FAM13A: variants seen among roughly 807,000 people sequenced by gnomAD.
FAM13A encodes the protein family with sequence similarity 13 member A, also known as protein FAM13A.
FAM13A carries 76 observed loss-of-function variants against 129.6 expected under a neutral mutation model. The ratio of observed to expected loss-of-function variants is 0.59; its 90% CI spans 0.49 to 0.71. The LOEUF (loss-of-function observed/expected upper bound fraction) is 0.71. Among genes scored for constraint, FAM13A ranks in the 30% least tolerant of loss-of-function variants. The pLI, the probability that FAM13A is intolerant of heterozygous loss-of-function variation, is 0.00. For synonymous variants in FAM13A, 443 were observed against 449.9 expected (o/e 0.98, Z 0.20); for missense variants, 1,108 against 1,249.3 (o/e 0.89, Z 1.70).
In FAM13A at chr4:88,879,190, C is replaced by T. The variant is rs149326674; in HGVS notation, c.843+27189G>A. On this transcript the variant is annotated intron_variant, in intron 6 of 23. Transcript: ENST00000264344. ...ATATAGAGCTTTAGCACTTAAGAAA[C>T]GCTGTGAGACACAGGTTAAGAGGTA... Among the ~76,000 whole-genome samples, 384 of 152,244 alleles carry T rather than the reference C, an allele frequency of 2.5e-3. 2 individuals carry two copies. Among genetic ancestry groups the T allele is most frequent in the African/African-American group, 8.6e-3 (358 of 41,556 alleles).
chr4:88,982,750 T>C (rs565764166), intron 4 of FAM13A, among the ~76,000 whole-genome samples: 75 of 152,302 alleles, frequency 4.9e-4, no homozygotes, highest in African/African-American at 1.8e-3. Context: ...CTTAGAAAAA[T>C]CATATACAAC....
chr4:89,024,111 G>A (rs1198910747), intron 2 of FAM13A, among the ~76,000 whole-genome samples: 1 of 152,148 alleles, frequency 6.6e-6, no homozygotes, highest in Non-Finnish European at 1.5e-5. Context: ...ATACTTTTCT[G>A]TACAACTGAA....
chr4:88,963,776 T>C (rs553076114), intron 4 of FAM13A, among the ~76,000 whole-genome samples: 2 of 152,338 alleles, frequency 1.3e-5, no homozygotes, highest in East Asian at 3.9e-4. Context: ...CTAAAACTTA[T>C]AAATAATATG....
At chr4:88,884,038 G>C (rs1451505525) in intron 6 of FAM13A, among the ~76,000 whole-genome samples, 1 of 151,776 alleles carries the variant, frequency 6.6e-6, no homozygotes, top group Non-Finnish European at 1.5e-5. Context: ...CAAAAAAAAA[G>C]TCCAGGAAAA....
intron 6 of FAM13A, among the ~76,000 whole-genome samples, chr4:88,881,938 A>C (rs1362761647): frequency 2.6e-5 from 4 of 152,128 alleles, no homozygotes; most frequent in Non-Finnish European, 5.9e-5. Flanking sequence ...CAAAGAAAAA[A>C]GAATTTAAAA....
chr4:88,844,651 G>A (rs189996711), intron 7 of FAM13A, among the ~76,000 whole-genome samples: 9 of 152,294 alleles, frequency 5.9e-5, no homozygotes, highest in Middle Eastern at 3.4e-3. Flanking sequence ...CAAGCATAGA[G>A]TTGGGGGAAA....
intron 6 of FAM13A, among the ~76,000 whole-genome samples, chr4:88,870,552 T>C (rs1005481523): frequency 2.0e-5 from 3 of 152,176 alleles, no homozygotes; most frequent in African/African-American, 7.2e-5. Context: ...TGTCTGAGAT[T>C]GAACTGCAAG....
At chr4:88,807,938 T>C (rs1561048988) in intron 7 of FAM13A, among the ~76,000 whole-genome samples, 1 of 152,174 alleles carries the variant, frequency 6.6e-6, no homozygotes, top group African/African-American at 2.4e-5. Flanking sequence ...CCAGTTTTTG[T>C]TCTAAAAAAG....
intron 7 of FAM13A, among the ~76,000 whole-genome samples, chr4:88,838,643 C>T (rs1306445211): frequency 1.3e-5 from 2 of 151,774 alleles, no homozygotes; most frequent in Non-Finnish European, 2.9e-5. Flanking sequence ...AGGAGAATGG[C>T]GTGAACCCGG....
At chr4:88,891,328 T>A (rs978598412) in intron 6 of FAM13A, among the ~76,000 whole-genome samples, 2 of 152,012 alleles carry the variant, frequency 1.3e-5, no homozygotes, top group African/African-American at 4.8e-5. Context: ...GGAGGCTGAA[T>A]TGGGAGGCAC....
chr4:88,814,385 A>C (rs1403350142), intron 7 of FAM13A, among the ~76,000 whole-genome samples: 4 of 152,062 alleles, frequency 2.6e-5, no homozygotes, highest in Non-Finnish European at 5.9e-5. Flanking sequence ...GAGAACTATG[A>C]GAGAGACAGA....
intron 6 of FAM13A, among the ~76,000 whole-genome samples, chr4:88,868,742 T>C (rs1454857191): frequency 6.6e-6 from 1 of 152,148 alleles, no homozygotes; most frequent in Non-Finnish European, 1.5e-5. Context: ...TTGTACTCTT[T>C]TACAACACTT....
chr4:89,006,358 C>T (rs17014896), intron 3 of FAM13A, among the ~76,000 whole-genome samples: 2,389 of 152,260 alleles, frequency 0.016, 67 homozygotes, highest in African/African-American at 0.054. Context: ...GGCATTATTC[C>T]AAGTTCTTTA....
At position 88,802,699 on chromosome 4, in the gene FAM13A, C is replaced by T. The variant is rs1727730691; in HGVS notation, c.1049+2312G>A. Among the ~76,000 whole-genome samples the T allele has an allele frequency of 2.6e-5, 4 of 152,272 alleles. No individual in the cohort carries two copies. In the South Asian group the frequency reaches 8.3e-4, roughly 32 times the overall value. On this transcript the variant is annotated intron_variant, in intron 8 of 23. Transcript: ENST00000264344. ...CCCTGTTCCTGCATCCCTTTCTTCTCCCCTAGCCACAGCAAGGTCCTGGGA... is the reference window on the plus strand; with the variant it reads ...CCCTGTTCCTGCATCCCTTTCTTCTTCCCTAGCCACAGCAAGGTCCTGGGA...
chr4:89,034,342 A>G (rs1343685299), intron 1 of FAM13A, among the ~76,000 whole-genome samples: 2 of 152,196 alleles, frequency 1.3e-5, no homozygotes, highest in Admixed American at 6.5e-5. Context: ...ATCACTCACC[A>G]TTAGAGAAAC....
At chr4:89,033,382 A>C (rs963630664) in intron 1 of FAM13A, among the ~76,000 whole-genome samples, 87 of 152,316 alleles carry the variant, frequency 5.7e-4, no homozygotes, top group African/African-American at 2.0e-3. Flanking sequence ...CCCACTTCAC[A>C]AAAGGCACAG....
At chr4:88,747,117 A>C (rs1741511214) in intron 18 of FAM13A, 102 bp from the exon 19 acceptor site, 1 of 777,020 alleles carries the variant, frequency 1.3e-6, no homozygotes, top group South Asian at 1.5e-5. Context: ...AAGAACCCTC[A>C]TATAACAGCT....
At chr4:88,982,092 C>T (rs764745473) in intron 4 of FAM13A, among the ~76,000 whole-genome samples, 2 of 152,114 alleles carry the variant, frequency 1.3e-5, no homozygotes, top group Admixed American at 6.5e-5. Flanking sequence ...GTCTGAGAGG[C>T]GGGTAGAGCC....
At chr4:88,953,206 G>GC (rs1196776733) in intron 4 of FAM13A, among the ~76,000 whole-genome samples, 1 of 151,828 alleles carries the variant, frequency 6.6e-6, no homozygotes. Context: ...TGTAATCCCA[G>GC]CACTTTGGGA....
Sources: gnomAD v4.1 joint callset for allele counts (sites outside exome capture counted in the v4.1 genomes callset) on GRCh38, gnomAD v4.1.1 for gene constraint, MANE v1.5 for transcripts, NCBI Gene and HGNC (gene_info 2026-07-23, HGNC 2026-07-21) for gene names.